The following SOX5 variants were observed in gnomAD, a reference collection of about 807,000 sequenced individuals.
SOX5 encodes the protein transcription factor SOX-5.
SOX5 carries 9 observed loss-of-function variants against 92.0 expected under a neutral mutation model. The observed-to-expected ratio is 0.10, with a 90% CI of 0.06 to 0.17. SOX5 has a LOEUF of 0.17. SOX5 is among the 10% of genes least tolerant of loss of function. The pLI, the probability that SOX5 is intolerant of heterozygous loss-of-function variation, is 1.00. For synonymous variants in SOX5, 344 were observed against 336.3 expected, an observed-to-expected ratio of 1.02 and a Z score of -0.25; for missense variants, 642 against 944.5, an observed-to-expected ratio of 0.68 and a Z score of 4.20.
At chr12:24,111,096 T>C (rs1947296661) in intron 4 of SOX5, among the ~76,000 whole-genome samples, 1 of 151,890 alleles carries the variant, frequency 6.6e-6, no homozygotes, top group Non-Finnish European at 1.5e-5. Flanking sequence ...CTCTACACAC[T>C]AGATGCCAAT....
chr12:24,015,687 C>T (rs1048220278), intron 4 of SOX5, among the ~76,000 whole-genome samples: 4 of 152,114 alleles, frequency 2.6e-5, no homozygotes, highest in Non-Finnish European at 5.9e-5. Context: ...AGGTAATTTA[C>T]AATACAATGC....
At chr12:23,612,572 C>A (rs2076093523) in intron 8 of SOX5, among the ~76,000 whole-genome samples, 1 of 151,974 alleles carries the variant, frequency 6.6e-6, no homozygotes, top group African/African-American at 2.4e-5. Context: ...TGGAAGATTT[C>A]TTTTGAGTCC....
At chr12:23,651,800 C>A (rs2081598989) in intron 7 of SOX5, among the ~76,000 whole-genome samples, 1 of 151,270 alleles carries the variant, frequency 6.6e-6, no homozygotes, top group African/African-American at 2.4e-5. Context: ...AAAAAATGAG[C>A]CCCAAAGTAG....
intron 4 of SOX5, among the ~76,000 whole-genome samples, chr12:24,158,648 T>C (rs1412071370): frequency 6.6e-6 from 1 of 151,998 alleles, no homozygotes; most frequent in Non-Finnish European, 1.5e-5. Flanking sequence ...AGTAAATCTA[T>C]TGTTCAAATT....
intron 4 of SOX5, among the ~76,000 whole-genome samples, chr12:24,192,843 A>G (rs1340467370): frequency 6.6e-6 from 1 of 152,150 alleles, no homozygotes; most frequent in Admixed American, 6.5e-5. Flanking sequence ...GGTAAAGGAG[A>G]GCAGGTATGT....
intron 1 of SOX5, among the ~76,000 whole-genome samples, chr12:24,504,017 G>A (rs150579434): frequency 2.0e-5 from 3 of 151,708 alleles, no homozygotes; most frequent in African/African-American, 4.8e-5. Context: ...GTAGAAATTC[G>A]AACTCTCTTC....
intron 2 of SOX5, among the ~76,000 whole-genome samples, chr12:24,304,623 G>A (rs1224084544): frequency 2.6e-5 from 4 of 151,994 alleles, no homozygotes; most frequent in Admixed American, 1.3e-4. Flanking sequence ...TTCTCTACTC[G>A]CTTCGTATTT....
At chr12:23,870,666 C>T (rs1217958729) in intron 2 of SOX5, among the ~76,000 whole-genome samples, 4 of 152,104 alleles carry the variant, frequency 2.6e-5, no homozygotes, top group Non-Finnish European at 4.4e-5. Context: ...ACTATTCAAC[C>T]TATGTTTTCC....
intron 4 of SOX5, among the ~76,000 whole-genome samples, chr12:23,992,763 G>C (rs1262321899): frequency 6.6e-6 from 1 of 152,052 alleles, no homozygotes; most frequent in Non-Finnish European, 1.5e-5. Flanking sequence ...AAAAAAGAAA[G>C]GGAAACTTCT....
intron 2 of SOX5, among the ~76,000 whole-genome samples, chr12:23,892,041 C>G (rs1161880230): frequency 1.3e-5 from 2 of 151,592 alleles, no homozygotes; most frequent in African/African-American, 4.9e-5. Context: ...TGTTAGATCC[C>G]AGAAACATAA....
rs567298287 is a variant in SOX5, at chr12:24,153,700, T to C, written c.-2+59643A>G. 1.6e-4 allele frequency among the ~76,000 whole-genome samples: 24 copies of C among 152,202 alleles called. No individual in the cohort carries two copies. The South Asian group carries it at 5.0e-3, about 32-fold the overall frequency. On this transcript the variant is annotated intron_variant, in intron 4 of 4. Coordinates refer to the SOX5 transcript ENST00000446891. ...TAGAACTAAAGTGATTCTGGGACAG[T>C]AAACATACATCAACACTCTGCTGTG... is the stretch of plus-strand genomic sequence containing the variant.
intron 8 of SOX5, among the ~76,000 whole-genome samples, chr12:23,621,938 C>T (rs1347483918): frequency 6.6e-6 from 1 of 152,114 alleles, no homozygotes; most frequent in Admixed American, 6.6e-5. Flanking sequence ...GAGCTCAATC[C>T]TGTTTCAACT....
intron 1 of SOX5, among the ~76,000 whole-genome samples, chr12:23,901,389 A>G (rs984853776): frequency 6.6e-6 from 1 of 152,196 alleles, no homozygotes; most frequent in Non-Finnish European, 1.5e-5. Flanking sequence ...TTTTTAAGCC[A>G]CTATATTTGT....
intron 4 of SOX5, among the ~76,000 whole-genome samples, chr12:23,989,562 C>T (rs1056259261): frequency 6.6e-6 from 1 of 152,158 alleles, no homozygotes; most frequent in Non-Finnish European, 1.5e-5. Flanking sequence ...CCAAAATTCA[C>T]AGGTTGAAAC....
At chr12:24,344,332 C>A (rs1053040790) in intron 2 of SOX5, among the ~76,000 whole-genome samples, 30 of 148,736 alleles carry the variant, frequency 2.0e-4, no homozygotes, top group Admixed American at 8.0e-4. Flanking sequence ...ACAAATGGTG[C>A]CTTAAAATTC....
intron 3 of SOX5, among the ~76,000 whole-genome samples, chr12:23,780,528 A>G (rs936169954): frequency 6.6e-6 from 1 of 152,084 alleles, no homozygotes; most frequent in African/African-American, 2.4e-5. Flanking sequence ...AAAATTAGAG[A>G]AGAAAGAAAC....
chr12:23,723,193 GCT>G (rs1004007300), intron 6 of SOX5, among the ~76,000 whole-genome samples: 6 of 150,452 alleles, frequency 4.0e-5, no homozygotes, highest in African/African-American at 4.9e-5. Flanking sequence ...ATGTTTTCTT[GCT>G]CTCTCTCTCT....
intron 3 of SOX5, among the ~76,000 whole-genome samples, chr12:23,817,343 G>A (rs2096014868): frequency 6.6e-6 from 1 of 152,192 alleles, no homozygotes; most frequent in Non-Finnish European, 1.5e-5. Context: ...ACTCTTTAAA[G>A]TAAGTGATGG....
chr12:24,129,148 A>G (rs1330609859), intron 4 of SOX5, among the ~76,000 whole-genome samples: 1 of 152,228 alleles, frequency 6.6e-6, no homozygotes, highest in African/African-American at 2.4e-5. Flanking sequence ...AGCAAAGAAT[A>G]ATTTAGAGAA....
Sources: allele counts gnomAD v4.1 joint callset (sites outside exome capture counted in the v4.1 genomes callset), GRCh38; gene constraint gnomAD v4.1.1; transcripts MANE v1.5; gene names NCBI Gene and HGNC (gene_info 2026-07-23, HGNC 2026-07-21).